ZNF426: variants seen among roughly 807,000 people sequenced by gnomAD.
The protein encoded by ZNF426 is zinc finger protein 426, also known as CTC-543D15.7.
Under a neutral mutation model 24.0 loss-of-function variants are expected in ZNF426, and 23 were observed. The ratio of observed to expected loss-of-function variants is 0.96; its 90% CI spans 0.69 to 1.36. The LOEUF (loss-of-function observed/expected upper bound fraction) is 1.36, where lower values mean the gene tolerates loss of function less well. ZNF426 is among the 40% of genes most tolerant of loss of function. The probability of loss-of-function intolerance (pLI) is 0.00; values close to 1 mark genes in which losing one functional copy is unlikely to be tolerated. For missense variants in ZNF426, 646 were observed against 658.4 expected (o/e 0.98, Z 0.21); for synonymous variants, 272 against 224.6 (o/e 1.21, Z -1.89).
intron 6 of ZNF426, among the ~76,000 whole-genome samples, 167 bp downstream of exon 6, chr19:9,532,678 G>A (rs1057448153): frequency 6.6e-6 from 1 of 152,136 alleles, no homozygotes; most frequent in African/African-American, 2.4e-5. Context: ...GACAAGGGGG[G>A]ACTGCTCTGT....
chr19:9,535,537 A>C (rs1448895966), intron 3 of ZNF426, among the ~76,000 whole-genome samples: 1 of 152,128 alleles, frequency 6.6e-6, no homozygotes, highest in Admixed American at 6.6e-5. Flanking sequence ...AAAAATTTTA[A>C]AATGAGCCTG....
chr19:9,529,454 A>G lies in ZNF426; in HGVS notation c.591T>C (p.Ser197=). ...AGATTTTTTCACTCTGATTAAACTC[A>G]GAAAGTTTCTCACCAGTAGAGGTTT... ...CEKTSTGEKL[S]EFNQSEKIFS... The change falls in exon 8 of 8, where the codon TCT becomes TCC. Residue 197 remains serine (S), a synonymous_variant. Coordinates refer to ENST00000253115, the MANE Select transcript of ZNF426 (RefSeq NM_024106.3). 2 of 1,614,038 alleles carry G rather than the reference A, an allele frequency of 1.2e-6. No homozygotes were observed. The highest frequency in any genetic ancestry group is 1.7e-5 in the Admixed American group (1 of 60,006).
Position 9,528,547 on chromosome 19 carries a change from C to T in ZNF426, c.1498G>A (p.Gly500Arg). ...SFQIHERTHT[G>R]EKPYECKECG... ...TCCTTGCATTCATAGGGTTTCTCTC[C>T]AGTGTGAGTCCTTTCATGTATTTGA... is the stretch of plus-strand genomic sequence containing the variant. Residue 500 changes from glycine to arginine, a missense_variant, in exon 8 of 8, where the codon GGA becomes AGA. Coordinates refer to ENST00000253115, the MANE Select transcript of ZNF426 (RefSeq NM_024106.3). The T allele has an allele frequency of 6.2e-7, 1 of 1,614,134 alleles. No homozygotes were observed. The highest frequency in any genetic ancestry group is 8.5e-7 in the Non-Finnish European group (1 of 1,180,024).
intron 2 of ZNF426, among the ~76,000 whole-genome samples, chr19:9,537,035 C>T (rs1398203490): frequency 6.6e-6 from 1 of 151,846 alleles, no homozygotes; most frequent in Non-Finnish European, 1.5e-5. Context: ...GAGGCTGAGG[C>T]AGGAGAATCG....
At position 9,528,990 on chromosome 19, in the gene ZNF426, C is replaced by T. The variant is rs2073837638; in HGVS notation, c.1055G>A (p.Ser352Asn). 6.2e-7 allele frequency: 1 copy of T among 1,613,758 alleles called. No individual in the cohort carries two copies. The highest frequency in any genetic ancestry group is 1.1e-5 in the South Asian group (1 of 91,052). The change falls in exon 8 of 8, where the codon AGT becomes AAT. Residue 352 changes from serine (S) to asparagine (N), a missense_variant. By Grantham distance (46) the Ser-to-Asn change is conservative. Transcript: ENST00000253115. ...TCCACTGTGAGATCGTACATGCATA[C>T]TAAGGCCCGAGTACTGAGTGAAGGC... Reference protein sequence around the residue: ...GKAFTQYSGLSMHVRSHSGDK... With the variant: ...GKAFTQYSGLNMHVRSHSGDK...
intron 6 of ZNF426, 54 bp from the exon 7 acceptor site, chr19:9,531,121 A>G (rs958091325): frequency 3.0e-5 from 43 of 1,418,768 alleles, no homozygotes; most frequent in Non-Finnish European, 4.2e-5. Context: ...ACAGTGGCTC[A>G]TGCCTGTAAT....
chr19:9,538,200 C>G (rs187490972), intron 2 of ZNF426, 59 bp downstream of exon 2: 2 of 152,244 alleles, frequency 1.3e-5, no homozygotes, highest in Non-Finnish European at 2.9e-5. Flanking sequence ...ATGAAACATT[C>G]GTTTGCATAA....
Position 9,525,061 on chromosome 19 carries a change from A to T in ZNF426, c.*3319T>A, listed in dbSNP as rs1331682669. The T allele has an allele frequency of 6.6e-6, 1 of 151,338 alleles. No individual in the cohort carries two copies. Among genetic ancestry groups the T allele is most frequent in the African/African-American group, 2.4e-5 (1 of 41,266 alleles). 9.4% of individuals were successfully genotyped at this position (151,338 alleles called of 1,614,324 possible). ...TCAGGAGATCGAGACCATCCTGGCT[A>T]ACACAGTGAAACCCCGTCTCTACTA... is the stretch of plus-strand genomic sequence containing the variant. On this transcript the variant is annotated 3_prime_UTR_variant, in exon 8 of 8. Coordinates refer to ENST00000253115, the MANE Select transcript of ZNF426 (RefSeq NM_024106.3).
chr19:9,527,561 T>C lies in ZNF426; in HGVS notation c.*819A>G, dbSNP rs182037640. The C allele has an allele frequency of 2.0e-5, 3 of 152,368 alleles. No homozygotes were observed. The highest frequency in any genetic ancestry group is 2.0e-4 in the Admixed American group (3 of 15,290). The allele number at this position is 152,368 out of a possible 1,614,324, so 9.4% of individuals were successfully genotyped here. ...TTTCTCTCCTATGTGATTTCTCCTGTATGTAGAAAGGACTGAAGACTCAAT... is the reference window on the plus strand; with the variant it reads ...TTTCTCTCCTATGTGATTTCTCCTGCATGTAGAAAGGACTGAAGACTCAAT... On this transcript the variant is annotated 3_prime_UTR_variant, in exon 8 of 8. Coordinates refer to ENST00000253115, the MANE Select transcript of ZNF426 (RefSeq NM_024106.3).
chr19:9,531,529 T>A (rs188342138), intron 6 of ZNF426, among the ~76,000 whole-genome samples: 22 of 152,316 alleles, frequency 1.4e-4, no homozygotes, highest in Admixed American at 7.2e-4. Flanking sequence ...TTGGTTTTGA[T>A]GTAAATGATC....
In ZNF426 at chr19:9,523,887, T is replaced by C. The variant is rs2073766257; in HGVS notation, c.*4493A>G. ...CTAGCAGGCCACAGACCAGTACCAG[T>C]CCATGGCCCAGGGGTTTGGGGATCC... On this transcript the variant is annotated 3_prime_UTR_variant, in exon 8 of 8. Coordinates refer to ENST00000253115, the MANE Select transcript of ZNF426 (RefSeq NM_024106.3). 1 of 152,224 alleles carries C rather than the reference T, an allele frequency of 6.6e-6. No individual in the cohort carries two copies. Among genetic ancestry groups the C allele is most frequent in the African/African-American group, 2.4e-5 (1 of 41,460 alleles). 9.4% of individuals were successfully genotyped at this position (152,224 alleles called of 1,614,324 possible). A position where few individuals can be genotyped will look rare whatever the true frequency, so the allele number is the denominator to read the frequency against.
At chr19:9,530,082 C>T (rs981689586) in intron 7 of ZNF426, among the ~76,000 whole-genome samples, 3 of 152,146 alleles carry the variant, frequency 2.0e-5, no homozygotes, top group Non-Finnish European at 2.9e-5. Context: ...GATCACACCA[C>T]TGCACTCTAG....
chr19:9,537,162 CATTA>C (rs938298832), intron 2 of ZNF426, among the ~76,000 whole-genome samples: 9 of 151,628 alleles, frequency 5.9e-5, no homozygotes, highest in African/African-American at 1.2e-4. Context: ...TAATGACAAT[CATTA>C]ATTAATCAAA....
chr19:9,529,635 T>A lies in ZNF426; in HGVS notation c.410A>T (p.Glu137Val). Reference protein sequence around the residue: ...RGQTSIGIQLEGKHNGRELCD... With the variant: ...RGQTSIGIQLVGKHNGRELCD... ...GAGTTCCCTTCCATTGTGTTTTCCT[T>A]CCTGTTGAAGGGATGATGATGATTT... Residue 137 changes from glutamate (E) to valine (V), a missense_variant and splice_region_variant, in exon 8 of 8, where the codon GAA (glutamate) becomes GTA (valine). By Grantham distance (121) the Glu-to-Val change is moderately radical. Transcript: ENST00000253115. 1 of 1,586,424 alleles carries A rather than the reference T, an allele frequency of 6.3e-7. No individual in the cohort carries two copies. Among genetic ancestry groups the A allele is most frequent in the Non-Finnish European group, 8.5e-7 (1 of 1,173,662 alleles).
intron 5 of ZNF426, 77 bp downstream of exon 5, chr19:9,533,763 A>G: frequency 1.3e-6 from 2 of 1,587,036 alleles, no homozygotes; most frequent in Non-Finnish European, 1.7e-6. Flanking sequence ...CAGAGTTGAC[A>G]TTGCCAATGC....
Position 9,528,540 on chromosome 19 carries a change from T to C in ZNF426, c.1505A>G (p.Lys502Arg). ...CCCACACTCCTTGCATTCATAGGGT[T>C]TCTCTCCAGTGTGAGTCCTTTCATG... ...QIHERTHTGE[K>R]PYECKECGKA... is the part of the protein sequence containing the mutation. The change falls in exon 8 of 8, where the codon AAA becomes AGA. Residue 502 changes from lysine (K) to arginine (R), a missense_variant. By Grantham distance (26) the Lys-to-Arg change is conservative (BLOSUM62 2). Transcript: ENST00000253115. The C allele has an allele frequency of 6.2e-7, 1 of 1,614,216 alleles. No homozygotes were observed. The highest frequency in any genetic ancestry group is 8.5e-7 in the Non-Finnish European group (1 of 1,180,032).
Position 9,538,619 on chromosome 19 carries a change from G to C in ZNF426, c.-256C>G, listed in dbSNP as rs910831459. The C allele has an allele frequency of 1.3e-5, 2 of 152,264 alleles. No individual in the cohort carries two copies. The highest frequency in any genetic ancestry group is 4.8e-5 in the African/African-American group (2 of 41,460). The allele number at this position is 152,264 out of a possible 1,614,324, so 9.4% of individuals were successfully genotyped here. A position where few individuals can be genotyped will look rare whatever the true frequency, so the allele number is the denominator to read the frequency against. On this transcript the variant is annotated 5_prime_UTR_variant, in exon 1 of 8. Coordinates refer to ENST00000253115, the MANE Select transcript of ZNF426 (RefSeq NM_024106.3). ...ACTCTGAAAGGCAAAAAGACTCTCAGGCGCTCACAGCCGGCGTCACAAAAG... is the reference window on the plus strand; with the variant it reads ...ACTCTGAAAGGCAAAAAGACTCTCACGCGCTCACAGCCGGCGTCACAAAAG...
chr19:9,529,711 A>T (rs2073854306), intron 7 of ZNF426, 75 bp from the exon 8 acceptor site: 3 of 1,396,608 alleles, frequency 2.1e-6, no homozygotes, highest in Non-Finnish European at 2.9e-6. Context: ...GAAGCTAGAA[A>T]CATTATAATG....
At chr19:9,537,726 C>A (rs190601186) in intron 2 of ZNF426, among the ~76,000 whole-genome samples, 528 of 152,200 alleles carry the variant, frequency 3.5e-3, no homozygotes, top group African/African-American at 0.012. Context: ...TCTCAGCTCA[C>A]TGCAACGTCC....
Sources: gnomAD v4.1 joint callset for allele counts (sites outside exome capture counted in the v4.1 genomes callset) on GRCh38, gnomAD v4.1.1 for gene constraint, MANE v1.5 for transcripts, NCBI Gene and HGNC (gene_info 2026-07-23, HGNC 2026-07-21) for gene names.